The following RYR3 variants were observed in gnomAD, a reference collection of about 807,000 sequenced individuals.
RYR3 encodes brain ryanodine receptor-calcium release channel.
Under a neutral mutation model 584.3 loss-of-function variants are expected in RYR3, and 207 were observed. The ratio of observed to expected loss-of-function variants is 0.35; its 90% confidence interval spans 0.32 to 0.40. RYR3 has a LOEUF of 0.40. Ranked by LOEUF, RYR3 falls within the 10% of genes least tolerant of loss-of-function variation. The pLI is 1.00. For synonymous variants in RYR3, 2,416 were observed against 2,248.5 expected (o/e 1.07, Z -2.11); for missense variants, 5,616 against 6,089.2 (o/e 0.92, Z 2.59).
At position 33,670,411 on chromosome 15, in the gene RYR3, C is replaced by T; in HGVS notation, c.5723-8C>T. 1 of 1,612,942 alleles carries T rather than the reference C, an allele frequency of 6.2e-7. No homozygotes were observed. On this transcript the variant is annotated splice_region_variant and splice_polypyrimidine_tract_variant and intron_variant, in intron 37 of 103. Transcript: ENST00000634891. The stretch of plus-strand genomic sequence containing the variant: ...TTTGGATTTTCACCCTGTTCTGTGG[C>T]TTGCTAGGGGTTCCTTTGGAAGAAG...
intron 70 of RYR3, among the ~76,000 whole-genome samples, chr15:33,809,608 CTCTCTT>C (rs1247084464): frequency 1.6e-4 from 15 of 92,168 alleles, no homozygotes; most frequent in Admixed American, 3.2e-4. Context: ...GGATTCCTCT[CTCTCTT>C]TTTTTTTTTT....
At chr15:33,772,366 A>G (rs2073641837) in intron 63 of RYR3, among the ~76,000 whole-genome samples, 1 of 152,208 alleles carries the variant, frequency 6.6e-6, no homozygotes, top group South Asian at 2.1e-4. Flanking sequence ...TTGAGTATAT[A>G]ATATTTATCT....
At chr15:33,389,634 A>G (rs909103504) in intron 1 of RYR3, among the ~76,000 whole-genome samples, 11 of 152,358 alleles carry the variant, frequency 7.2e-5, no homozygotes, top group Middle Eastern at 3.4e-3. Flanking sequence ...ATGGAAAAAT[A>G]TGAAAAATAT....
At chr15:33,442,184 A>G (rs1186670558) in intron 1 of RYR3, among the ~76,000 whole-genome samples, 1 of 152,206 alleles carries the variant, frequency 6.6e-6, no homozygotes, top group Non-Finnish European at 1.5e-5. Flanking sequence ...TCTATGTGAA[A>G]GTTGACTCCA....
At chr15:33,746,003 G>T (rs1253659235) in intron 52 of RYR3, 65 bp from the exon 53 acceptor site, 1 of 1,014,738 alleles carries the variant, frequency 9.9e-7, no homozygotes, top group Non-Finnish European at 1.5e-6. Flanking sequence ...TAGAAGCAGG[G>T]ATTTGGGTCA....
chr15:33,646,635 T>C, intron 29 of RYR3, 109 bp downstream of exon 29: 1 of 999,332 alleles, frequency 1.0e-6, no homozygotes, highest in Non-Finnish European at 1.5e-6. Context: ...TAGGGTTCTC[T>C]CTGCTTTCAG....
At chr15:33,477,650 C>A (rs1027363289) in intron 2 of RYR3, among the ~76,000 whole-genome samples, 2 of 148,546 alleles carry the variant, frequency 1.3e-5, no homozygotes, top group African/African-American at 2.5e-5. Context: ...CCGAGATGGG[C>A]GGATCACGAG....
chr15:33,838,083 A>T lies in RYR3; in HGVS notation c.12103A>T (p.Met4035Leu). 6.2e-7 allele frequency: 1 copy of T among 1,613,926 alleles called. No homozygotes were observed. The highest frequency in any genetic ancestry group is 1.3e-5 in the African/African-American group (1 of 75,034). ...FEPYLGRIEIMGGAKKIERVY... is the reference protein window; with the variant it reads ...FEPYLGRIEILGGAKKIERVY... ...ACCCTACCTAGGACGCATCGAGATC[A>T]TGGGTGGGGCCAAGAAGATTGAGCG... Residue 4035 changes from methionine to leucine, a missense_variant, in exon 89 of 104, where the codon ATG becomes TTG. This residue lies in a region of RYR3 where 258 missense variants were observed against 297.3 expected (regional missense o/e 0.87). Transcript: ENST00000634891.
chr15:33,796,295 C>A (rs1251769187), intron 67 of RYR3, among the ~76,000 whole-genome samples: 1 of 151,932 alleles, frequency 6.6e-6, no homozygotes, highest in African/African-American at 2.4e-5. Context: ...CCACTACGCC[C>A]GGCTAATTTT....
chr15:33,756,724 C>A (rs114621277), intron 59 of RYR3, among the ~76,000 whole-genome samples: 1 of 152,110 alleles, frequency 6.6e-6, no homozygotes, highest in Non-Finnish European at 1.5e-5. Context: ...AAAGTTCTAT[C>A]CCAATGGCTA....
intron 3 of RYR3, among the ~76,000 whole-genome samples, chr15:33,518,070 T>TA (rs1360626638): frequency 6.6e-6 from 1 of 152,224 alleles, no homozygotes; most frequent in Non-Finnish European, 1.5e-5. Flanking sequence ...TGGACAATGA[T>TA]AGAGTTTCCA....
Position 33,534,779 on chromosome 15 carries a change from A to G in RYR3, c.433+1390A>G, listed in dbSNP as rs552315525. Among the ~76,000 whole-genome samples, 3 of 152,330 alleles carry G rather than the reference A, an allele frequency of 2.0e-5. No homozygotes were observed. In the East Asian group the frequency reaches 5.8e-4, roughly 29 times the overall value. ...TGAAAACTACTTCGGAACATCAGCA[A>G]TTAATGAGCAGGAGAACAGCCGGCC... On this transcript the variant is annotated intron_variant, in intron 5 of 103. Transcript: ENST00000634891.
chr15:33,730,202 A>G (rs2068831123), intron 47 of RYR3, among the ~76,000 whole-genome samples: 1 of 151,866 alleles, frequency 6.6e-6, no homozygotes, highest in Non-Finnish European at 1.5e-5. Context: ...TTTAAAAATA[A>G]TTTTCTTAAC....
intron 1 of RYR3, among the ~76,000 whole-genome samples, chr15:33,436,552 GTGCAGTGA>G (rs2045745148): frequency 1.3e-5 from 2 of 149,648 alleles, no homozygotes; most frequent in African/African-American, 2.5e-5. Context: ...CCAGGCTGGA[GTGCAGTGA>G]TGCAATCTTG....
At chr15:33,532,702 T>G (rs2141069088) in intron 4 of RYR3, among the ~76,000 whole-genome samples, 2 of 152,326 alleles carry the variant, frequency 1.3e-5, no homozygotes, top group South Asian at 4.1e-4. Context: ...AATTTAAAAG[T>G]TTCTCAACAT....
chr15:33,533,308 C>T lies in RYR3; in HGVS notation c.355-3C>T. On this transcript the variant is annotated splice_polypyrimidine_tract_variant and splice_region_variant and intron_variant, in intron 4 of 103. Coordinates refer to ENST00000634891, the MANE Select transcript of RYR3 (RefSeq NM_001036.6). ...TTCACTAGTATTTGCTCTTCTTTCA[C>T]AGTATCTAACATGCTTGACTACATC... 9 of 1,595,660 alleles carry T rather than the reference C, an allele frequency of 5.6e-6. No individual in the cohort carries two copies. Among genetic ancestry groups the T allele is most frequent in the Non-Finnish European group, 6.8e-6 (8 of 1,169,302 alleles).
At chr15:33,771,395 G>T (rs4525460) in intron 62 of RYR3, among the ~76,000 whole-genome samples, 58,847 of 151,712 alleles carry the variant, frequency 0.39, 11,572 homozygotes, top group South Asian at 0.5. Context: ...TTAGCTGGGC[G>T]TGGTGGCGGG....
rs748634579 is a variant in RYR3, at chr15:33,726,445, C to A, written c.6972C>A (p.Val2324=). Reference sequence around the variant, plus strand: ...TCAGGTCCATCCTGCGCTCCCTGGTCCCCACAGAAGACCTGGTTGGGATCA... The same window carrying A: ...TCAGGTCCATCCTGCGCTCCCTGGTACCCACAGAAGACCTGGTTGGGATCA... The part of the protein sequence containing the change: ...IRIRSILRSL[V]PTEDLVGIIS... Residue 2324 remains valine (V), a synonymous_variant, in exon 46 of 104, where the codon GTC becomes GTA. Coordinates refer to ENST00000634891, the MANE Select transcript of RYR3 (RefSeq NM_001036.6). 3.1e-6 allele frequency: 5 copies of A among 1,610,490 alleles called. No homozygotes were observed. The Admixed American group carries it at 8.4e-5, about 27-fold the overall frequency.
chr15:33,737,577 T>C (rs967748862), intron 49 of RYR3, among the ~76,000 whole-genome samples: 1 of 152,198 alleles, frequency 6.6e-6, no homozygotes, highest in Non-Finnish European at 1.5e-5. Context: ...CCTGTCTTCA[T>C]GCCAGGCAGA....
Sources: gnomAD v4.1 joint callset for allele counts (sites outside exome capture counted in the v4.1 genomes callset) on GRCh38, gnomAD v4.1.1 for gene constraint, gnomAD v4.1.1 regional missense constraint, MANE v1.5 for transcripts, NCBI Gene and HGNC (gene_info 2026-07-23, HGNC 2026-07-21) for gene names.